Variants in ARFIP1 observed in about 807,000 individuals in gnomAD.
ARFIP1 encodes arfaptin-1.
A neutral mutation model predicts 42.5 loss-of-function variants in ARFIP1; 24 were observed. That is an observed-to-expected ratio of 0.57 (90% CI 0.41 to 0.80). ARFIP1 has a LOEUF of 0.80. ARFIP1 is among the 30% of genes least tolerant of loss of function. ARFIP1 has a pLI of 0.00. For missense variants in ARFIP1, 354 were observed against 434.0 expected (o/e 0.82, Z 1.64); for synonymous variants, 141 against 153.7 (o/e 0.92, Z 0.61).
chr4:152,902,030 T>C (rs1259759174), intron 8 of ARFIP1, among the ~76,000 whole-genome samples: 1 of 152,074 alleles, frequency 6.6e-6, no homozygotes, highest in East Asian at 1.9e-4. Context: ...TTCTAAAATG[T>C]CTATTGCCCA....
chr4:152,798,492 T>C (rs1320885236), intron 1 of ARFIP1, among the ~76,000 whole-genome samples: 1 of 152,192 alleles, frequency 6.6e-6, no homozygotes, highest in Non-Finnish European at 1.5e-5. Context: ...ATGGAGAAAA[T>C]TGTATGTTTC....
intron 1 of ARFIP1, among the ~76,000 whole-genome samples, chr4:152,789,151 C>T (rs536818424): frequency 1.4e-4 from 18 of 131,226 alleles, no homozygotes; most frequent in African/African-American, 4.4e-4. Context: ...AGTGCAGTAA[C>T]GCAATCTCGG....
intron 1 of ARFIP1, among the ~76,000 whole-genome samples, chr4:152,824,336 A>T (rs1031535158): frequency 5.3e-5 from 8 of 151,998 alleles, no homozygotes; most frequent in African/African-American, 1.9e-4. Flanking sequence ...GTAAAAAGGT[A>T]ATTCTCCATG....
intron 8 of ARFIP1, among the ~76,000 whole-genome samples, chr4:152,891,031 C>T (rs1349720090): frequency 2.6e-5 from 4 of 152,296 alleles, no homozygotes; most frequent in African/African-American, 4.8e-5. Flanking sequence ...TGAGGGCCCA[C>T]CTTCTGACTC....
intron 1 of ARFIP1, among the ~76,000 whole-genome samples, chr4:152,801,896 A>T (rs1437675377): frequency 6.6e-6 from 1 of 152,180 alleles, no homozygotes; most frequent in African/African-American, 2.4e-5. Flanking sequence ...AAATGAGGAA[A>T]CAAAGTTATA....
At chr4:152,794,097 CT>C (rs1731289706) in intron 1 of ARFIP1, among the ~76,000 whole-genome samples, 1 of 152,068 alleles carries the variant, frequency 6.6e-6, no homozygotes, top group Non-Finnish European at 1.5e-5. Flanking sequence ...CCCATTTCCC[CT>C]AATGCTAACA....
chr4:152,889,829 CTATATACTATA>C (rs1259768656), intron 8 of ARFIP1, among the ~76,000 whole-genome samples: 25 of 85,338 alleles, frequency 2.9e-4, no homozygotes, highest in Non-Finnish European at 5.0e-4. Flanking sequence ...ACTATATATA[CTATATACTATA>C]TATATACTAT....
intron 1 of ARFIP1, among the ~76,000 whole-genome samples, chr4:152,820,306 G>A (rs1327811620): frequency 1.3e-5 from 2 of 152,084 alleles, no homozygotes; most frequent in Non-Finnish European, 2.9e-5. Context: ...GTTCAACCTG[G>A]TGAATAAAAT....
intron 3 of ARFIP1, among the ~76,000 whole-genome samples, chr4:152,868,552 C>T (rs1023948035): frequency 5.3e-5 from 8 of 152,156 alleles, no homozygotes; most frequent in Non-Finnish European, 8.8e-5. Context: ...AGCCACACTA[C>T]ATCATTTGCT....
chr4:152,849,632 G>A (rs1311050768), intron 2 of ARFIP1, among the ~76,000 whole-genome samples: 1 of 152,084 alleles, frequency 6.6e-6, no homozygotes, highest in East Asian at 1.9e-4. Context: ...GAATGGGAGA[G>A]AGGGAGAAAA....
At chr4:152,792,974 C>T (rs1282224210) in intron 1 of ARFIP1, among the ~76,000 whole-genome samples, 5 of 152,076 alleles carry the variant, frequency 3.3e-5, no homozygotes, top group African/African-American at 1.2e-4. Context: ...GTAGAACCCC[C>T]AGAGATGACT....
chr4:152,791,892 A>G (rs1363481274), intron 1 of ARFIP1, among the ~76,000 whole-genome samples: 1 of 152,184 alleles, frequency 6.6e-6, no homozygotes, highest in Non-Finnish European at 1.5e-5. Flanking sequence ...GTAATATAAA[A>G]ATATGTGGAA....
intron 3 of ARFIP1, among the ~76,000 whole-genome samples, chr4:152,865,061 C>T (rs1734212320): frequency 6.6e-6 from 1 of 151,846 alleles, no homozygotes; most frequent in Non-Finnish European, 1.5e-5. Flanking sequence ...TTTAATGCTG[C>T]ATTACATTTT....
chr4:152,808,344 G>T (rs530916715), intron 1 of ARFIP1, among the ~76,000 whole-genome samples: 3 of 95,942 alleles, frequency 3.1e-5, no homozygotes, highest in African/African-American at 8.2e-5. Context: ...GTGTTCTATT[G>T]CTGTGTGGTA....
chr4:152,822,472 C>T (rs541807158), intron 1 of ARFIP1, among the ~76,000 whole-genome samples: 2 of 152,238 alleles, frequency 1.3e-5, no homozygotes, highest in African/African-American at 4.8e-5. Context: ...TAGTTTGGGA[C>T]TTCAGTACTC....
intron 7 of ARFIP1, among the ~76,000 whole-genome samples, chr4:152,886,951 G>A (rs1478693462): frequency 1.3e-5 from 2 of 151,904 alleles, no homozygotes; most frequent in African/African-American, 2.4e-5. Context: ...CAGTGTGAAG[G>A]ACTGATGTAT....
chr4:152,906,507 C>T (rs972210225), intron 8 of ARFIP1, among the ~76,000 whole-genome samples: 3 of 152,212 alleles, frequency 2.0e-5, no homozygotes, highest in Non-Finnish European at 4.4e-5. Flanking sequence ...TTGGCTTCAT[C>T]TTCACATTAT....
At chr4:152,809,435 C>T (rs978179339) in intron 1 of ARFIP1, among the ~76,000 whole-genome samples, 1 of 152,182 alleles carries the variant, frequency 6.6e-6, no homozygotes, top group Admixed American at 6.5e-5. Flanking sequence ...ACTACTGATG[C>T]ATGCAACAAC....
At chr4:152,810,915 C>G (rs7691083) in intron 1 of ARFIP1, among the ~76,000 whole-genome samples, 57,724 of 151,814 alleles carry the variant, frequency 0.38, 12,031 homozygotes, top group Admixed American at 0.49. Context: ...GTGCTTATCT[C>G]TACTATATGA....
Sources: gnomAD v4.1 joint callset for allele counts (sites outside exome capture counted in the v4.1 genomes callset) on GRCh38, gnomAD v4.1.1 for gene constraint, MANE v1.5 for transcripts, NCBI Gene and HGNC (gene_info 2026-07-23, HGNC 2026-07-21) for gene names.